The following GSN variants were observed in gnomAD, a reference collection of about 807,000 sequenced individuals.
The protein encoded by GSN is actin-depolymerizing factor.
Under a neutral mutation model 85.7 loss-of-function variants are expected in GSN, and 56 were observed. That is an observed-to-expected ratio of 0.65 (90% CI 0.53 to 0.82). The LOEUF is 0.82. Ranked by LOEUF, GSN falls within the 40% of genes least tolerant of loss-of-function variation. The pLI, the probability that GSN is intolerant of heterozygous loss-of-function variation, is 0.00. For synonymous variants in GSN, 373 were observed against 399.1 expected, an observed-to-expected ratio of 0.93 and a Z score of 0.78; for missense variants, 857 against 979.8, an observed-to-expected ratio of 0.87 and a Z score of 1.67.
At chr9:121,302,840 C>T in intron 3 of GSN, 71 bp from the exon 4 acceptor site, 2 of 1,517,876 alleles carry the variant, frequency 1.3e-6, no homozygotes, top group Non-Finnish European at 1.8e-6. Flanking sequence ...GGTTCCTCCT[C>T]CACCTCCTCT....
intron 7 of GSN, 119 bp downstream of exon 7, chr9:121,314,142 C>G: frequency 5.1e-6 from 4 of 782,144 alleles, no homozygotes; most frequent in Non-Finnish European, 9.0e-6. Context: ...GGAGGGGGGC[C>G]TCAGCTTTCT....
At chr9:121,302,570 T>C (rs1564482894) in intron 3 of GSN, among the ~76,000 whole-genome samples, 1 of 152,118 alleles carries the variant, frequency 6.6e-6, no homozygotes, top group Non-Finnish European at 1.5e-5. Context: ...CCGGAGTCCC[T>C]GCCACACCTC....
intron 2 of GSN, among the ~76,000 whole-genome samples, chr9:121,298,379 G>A (rs1274647446): frequency 6.6e-6 from 1 of 152,168 alleles, no homozygotes; most frequent in African/African-American, 2.4e-5. Context: ...TCTCCAGCCT[G>A]AATTGTCTTC....
rs531785788 is a variant in GSN at position 121,302,847 on chromosome 9, C to T, written c.197-64C>T. On this transcript the variant is annotated intron_variant, in intron 3 of 17. Coordinates refer to ENST00000432226, the MANE Select transcript of GSN (RefSeq NM_198252.3). ...AGTGCTGGGGTTCCTCCTCCACCTC[C>T]TCTTCCTCAGGGGTCTGGGATACTT... is the stretch of plus-strand genomic sequence containing the variant. 5.9e-5 allele frequency: 92 copies of T among 1,556,808 alleles called. 1 individual carries two copies. In the African/African-American group the frequency reaches 9.1e-4, roughly 15 times the overall value.
chr9:121,259,760 G>C (rs1281175910), intron 6 of GSN, among the ~76,000 whole-genome samples: 3 of 152,194 alleles, frequency 2.0e-5, no homozygotes, highest in Non-Finnish European at 4.4e-5. Flanking sequence ...CCTTTCGTGG[G>C]TCTCATGAAG....
rs1362063120 is a variant in GSN, at chr9:121,332,038, A to G, written c.2027-396A>G. On this transcript the variant is annotated intron_variant, in intron 17 of 17. Coordinates refer to ENST00000432226, the MANE Select transcript of GSN (RefSeq NM_198252.3). The surrounding 1 kb of genome is among the most constrained non-coding windows in gnomAD (Gnocchi z 4.8). The stretch of plus-strand genomic sequence containing the variant: ...ACCACTATACTGTAGCCTGGGTGAC[A>G]GAATGAGATGGTGTCTCAAAATGAA... The G allele has an allele frequency of 1.6e-5, 5 of 309,088 alleles. No individual in the cohort carries two copies. The highest frequency in any genetic ancestry group is 3.2e-5 in the Non-Finnish European group (5 of 157,256). 19.1% of individuals were successfully genotyped at this position (309,088 alleles called of 1,614,324 possible).
intron 6 of GSN, among the ~76,000 whole-genome samples, chr9:121,257,322 A>G (rs1588499766): frequency 6.6e-6 from 1 of 152,218 alleles, no homozygotes; most frequent in African/African-American, 2.4e-5. Context: ...TAAAAAGCCC[A>G]TTTAATCCAC....
At chr9:121,226,301 T>G (rs1184325211) in intron 4 of GSN, among the ~76,000 whole-genome samples, 1 of 152,202 alleles carries the variant, frequency 6.6e-6, no homozygotes, top group Non-Finnish European at 1.5e-5. Context: ...GTTTACAGTC[T>G]CACTAGGACA....
At chr9:121,304,347 C>T (rs1227894142) in intron 4 of GSN, among the ~76,000 whole-genome samples, 1 of 152,256 alleles carries the variant, frequency 6.6e-6, no homozygotes, top group East Asian at 1.9e-4. Flanking sequence ...TCCAGCTCTG[C>T]CTTCTTCCCA....
At chr9:121,288,073 CA>C (rs2058330081) in intron 2 of GSN, among the ~76,000 whole-genome samples, 11 of 152,164 alleles carry the variant, frequency 7.2e-5, no homozygotes, top group African/African-American at 2.7e-4. Context: ...ACCACAGGCA[CA>C]CACCATCATG....
intron 1 of GSN, among the ~76,000 whole-genome samples, chr9:121,278,018 C>T (rs1264150399): frequency 6.6e-6 from 1 of 151,386 alleles, no homozygotes; most frequent in Non-Finnish European, 1.5e-5. Context: ...GTTTGCTGAC[C>T]CATGATCTAG....
At chr9:121,234,767 T>G (rs1446493248) in intron 5 of GSN, among the ~76,000 whole-genome samples, 1 of 152,232 alleles carries the variant, frequency 6.6e-6, no homozygotes, top group Non-Finnish European at 1.5e-5. Context: ...GAAGATCGCT[T>G]AAGCCCAGGA....
chr9:121,254,959 A>G (rs931450297), intron 6 of GSN, among the ~76,000 whole-genome samples: 5 of 151,786 alleles, frequency 3.3e-5, no homozygotes, highest in African/African-American at 1.2e-4. Flanking sequence ...TTGTTTGTTT[A>G]TTTATTTTGA....
chr9:121,304,912 C>T (rs1047494320), intron 4 of GSN, among the ~76,000 whole-genome samples: 5 of 152,126 alleles, frequency 3.3e-5, no homozygotes, highest in African/African-American at 4.8e-5. Context: ...CTGGCAGGCT[C>T]ACGAAGAGTT....
At chr9:121,239,058 G>A (rs990024985) in intron 5 of GSN, 12 of 414,124 alleles carry the variant, frequency 2.9e-5, no homozygotes, top group East Asian at 1.2e-4. Flanking sequence ...GAATGATATC[G>A]TTGGCAGGCA....
At chr9:121,290,398 G>A (rs1332561929) in intron 2 of GSN, among the ~76,000 whole-genome samples, 4 of 152,194 alleles carry the variant, frequency 2.6e-5, no homozygotes, top group Middle Eastern at 3.2e-3. Flanking sequence ...TGGGTTAAAG[G>A]AGGGGAAAGT....
intron 5 of GSN, among the ~76,000 whole-genome samples, chr9:121,247,480 A>T (rs1481443191): frequency 1.3e-5 from 2 of 152,156 alleles, no homozygotes; most frequent in African/African-American, 2.4e-5. Flanking sequence ...CCTGACTCAC[A>T]CCCATAAGTA....
intron 4 of GSN, among the ~76,000 whole-genome samples, chr9:121,221,603 G>T (rs2054171222): frequency 6.6e-6 from 1 of 152,204 alleles, no homozygotes; most frequent in African/African-American, 2.4e-5. Flanking sequence ...GGACATCAGG[G>T]TTCGAGTGCT....
rs775380124 is a variant in GSN, at chr9:121,332,490, G to A, written c.2083G>A (p.Val695Met). The change falls in exon 18 of 18, where the codon GTG becomes ATG. Residue 695 changes from valine to methionine, a missense_variant. By Grantham distance (21) the Val-to-Met change is conservative. Transcript: ENST00000432226. This position sits in a 1 kb window ranked among gnomAD's most constrained non-coding sequence, Gnocchi z 4.8. ...ANRDRRTPITVVKQGFEPPSF... is the reference protein window; with the variant it reads ...ANRDRRTPITMVKQGFEPPSF... Reference sequence around the variant, plus strand: ...TCGGGATCGGCGGACGCCCATCACCGTGGTGAAGCAAGGCTTTGAGCCTCC... The same window carrying A: ...TCGGGATCGGCGGACGCCCATCACCATGGTGAAGCAAGGCTTTGAGCCTCC... The A allele has an allele frequency of 6.2e-6, 10 of 1,613,848 alleles. No homozygotes were observed. In the Admixed American group the frequency reaches 8.3e-5, roughly 13 times the overall value.
Sources: allele counts gnomAD v4.1 joint callset (sites outside exome capture counted in the v4.1 genomes callset), GRCh38; gene constraint gnomAD v4.1.1; non-coding constraint Gnocchi (gnomAD v3.1); transcripts MANE v1.5; gene names NCBI Gene and HGNC (gene_info 2026-07-23, HGNC 2026-07-21).